CTNNA3: variants seen among roughly 807,000 people sequenced by gnomAD.
The protein encoded by CTNNA3 is catenin alpha 3.
A neutral mutation model predicts 95.7 loss-of-function variants in CTNNA3; 76 were observed. The ratio of observed to expected loss-of-function variants is 0.79; its 90% CI spans 0.66 to 0.96. CTNNA3 has a LOEUF of 0.96. Ranked by LOEUF, CTNNA3 falls within the 40% of genes least tolerant of loss-of-function variation. The pLI, the probability that CTNNA3 is intolerant of heterozygous loss-of-function variation, is 0.00. For synonymous variants in CTNNA3, 431 were observed against 374.4 expected, an observed-to-expected ratio of 1.15 and a Z score of -1.74; for missense variants, 1,191 against 1,089.8, an observed-to-expected ratio of 1.09 and a Z score of -1.31.
At chr10:66,633,335 A>G (rs1482699214) in intron 9 of CTNNA3, among the ~76,000 whole-genome samples, 1 of 152,222 alleles carries the variant, frequency 6.6e-6, no homozygotes, top group Non-Finnish European at 1.5e-5. Context: ...TCTCAAGTAT[A>G]TAATTTTAAG....
chr10:66,635,990 CTGTGTGTGTGTGTGTGTGTGTGTG>C (rs10527642), intron 9 of CTNNA3, among the ~76,000 whole-genome samples: 21 of 145,944 alleles, frequency 1.4e-4, no homozygotes, highest in Non-Finnish European at 2.0e-4. Flanking sequence ...TGGAAGAACA[CTGTGTGTGTGTGTGTGTGTGTGTG>C]TGTGTGTGTG....
chr10:67,335,596 A>G (rs1841967533), intron 5 of CTNNA3, among the ~76,000 whole-genome samples: 1 of 152,186 alleles, frequency 6.6e-6, no homozygotes, highest in Non-Finnish European at 1.5e-5. Context: ...ACTTGTTTTT[A>G]TTAATCTTTC....
chr10:66,634,399 A>G (rs1845263422), intron 9 of CTNNA3, among the ~76,000 whole-genome samples: 1 of 152,146 alleles, frequency 6.6e-6, no homozygotes, highest in Admixed American at 6.5e-5. Flanking sequence ...CACAAAAATG[A>G]TTGAGAATTC....
intron 5 of CTNNA3, among the ~76,000 whole-genome samples, chr10:67,457,680 C>T (rs542047490): frequency 4.6e-5 from 7 of 152,204 alleles, no homozygotes; most frequent in Non-Finnish European, 1.5e-5. Context: ...GACTGCGTTC[C>T]TTCTGGAGGC....
chr10:66,885,477 G>T (rs1845009312), intron 7 of CTNNA3, among the ~76,000 whole-genome samples: 1 of 152,032 alleles, frequency 6.6e-6, no homozygotes, highest in Admixed American at 6.6e-5. Flanking sequence ...TCCTTATTTA[G>T]GGTTTCAGTT....
In CTNNA3 at chr10:67,552,550, G is replaced by C. The variant is rs59570825; in HGVS notation, c.293-12881C>G. ...GTTTTTATAGGCACAGGACTGGGGA[G>C]TGGCAGGCCAGGACAGTCAGGTAAA... On this transcript the variant is annotated intron_variant, in intron 3 of 17. Coordinates refer to ENST00000433211, the MANE Select transcript of CTNNA3 (RefSeq NM_013266.4). Among the ~76,000 whole-genome samples the C allele has an allele frequency of 2.8e-3, 426 of 152,030 alleles. 3 individuals are homozygous for C. Among genetic ancestry groups the C allele is most frequent in the African/African-American group, 9.9e-3 (409 of 41,454 alleles).
chr10:66,640,864 G>A (rs1845494091), intron 9 of CTNNA3, among the ~76,000 whole-genome samples: 1 of 152,010 alleles, frequency 6.6e-6, no homozygotes, highest in Non-Finnish European at 1.5e-5. Context: ...AAACTATAAA[G>A]ATAAAAGCGA....
chr10:66,924,463 GA>G (rs1353549055), intron 7 of CTNNA3, among the ~76,000 whole-genome samples: 2 of 152,092 alleles, frequency 1.3e-5, no homozygotes, highest in African/African-American at 4.8e-5. Context: ...TTCTACTTTG[GA>G]GATGAAAAGA....
chr10:67,662,743 A>G (rs529949313), intron 1 of CTNNA3, among the ~76,000 whole-genome samples: 1 of 152,334 alleles, frequency 6.6e-6, no homozygotes, highest in South Asian at 2.1e-4. Context: ...GAAACTTTTT[A>G]GCATGTTGGG....
At chr10:66,450,969 T>A (rs1187053906) in intron 11 of CTNNA3, among the ~76,000 whole-genome samples, 1 of 152,182 alleles carries the variant, frequency 6.6e-6, no homozygotes, top group Non-Finnish European at 1.5e-5. Flanking sequence ...AGGTATTTGT[T>A]CTTTCCATAT....
intron 3 of CTNNA3, among the ~76,000 whole-genome samples, chr10:67,599,572 T>TA (rs769697803): frequency 4.6e-5 from 7 of 151,100 alleles, no homozygotes; most frequent in Non-Finnish European, 7.4e-5. Flanking sequence ...GGAACTAAAG[T>TA]AAAAAAAAAG....
chr10:66,248,434 A>G (rs1423835119), intron 13 of CTNNA3, among the ~76,000 whole-genome samples: 2 of 151,924 alleles, frequency 1.3e-5, no homozygotes, highest in Admixed American at 6.6e-5. Context: ...ACTCTCCAAT[A>G]AAAAAGACAT....
intron 14 of CTNNA3, among the ~76,000 whole-genome samples, chr10:66,099,728 T>A (rs2081541844): frequency 6.6e-6 from 1 of 152,202 alleles, no homozygotes. Flanking sequence ...AAAATTTGTG[T>A]CTTCCCCTTG....
intron 5 of CTNNA3, among the ~76,000 whole-genome samples, chr10:67,295,537 G>C (rs1036651722): frequency 6.6e-6 from 1 of 152,132 alleles, no homozygotes; most frequent in Admixed American, 6.5e-5. Context: ...AAGGATAATA[G>C]CTGAGACCTG....
chr10:66,717,946 G>A (rs1242793317), intron 9 of CTNNA3, among the ~76,000 whole-genome samples: 1 of 152,084 alleles, frequency 6.6e-6, no homozygotes, highest in Non-Finnish European at 1.5e-5. Context: ...GCCAAAGTGT[G>A]AATCCTTTTA....
At chr10:67,239,579 T>C (rs1278658944) in intron 5 of CTNNA3, among the ~76,000 whole-genome samples, 1 of 152,208 alleles carries the variant, frequency 6.6e-6, no homozygotes, top group Non-Finnish European at 1.5e-5. Flanking sequence ...CCAATGTGTT[T>C]AGTTTGGAAA....
At position 67,679,670 on chromosome 10, in the gene CTNNA3, T is replaced by A. The variant is rs527704900; in HGVS notation, c.-6+16330A>T. 7.9e-4 allele frequency among the ~76,000 whole-genome samples: 121 copies of A among 152,280 alleles called. 1 individual carries two copies. Among genetic ancestry groups the A allele is most frequent in the African/African-American group, 2.6e-3 (108 of 41,568 alleles). ...CTTAATTTTCTTCTCTTCCTTTTTT[T>A]AAAAAAATCATTGCTAAAAGATAAA... is the stretch of plus-strand genomic sequence containing the variant. On this transcript the variant is annotated intron_variant, in intron 1 of 17. Coordinates refer to ENST00000433211, the MANE Select transcript of CTNNA3 (RefSeq NM_013266.4).
At chr10:67,653,709 C>G (rs1839941046) in intron 1 of CTNNA3, among the ~76,000 whole-genome samples, 1 of 152,108 alleles carries the variant, frequency 6.6e-6, no homozygotes. Context: ...CTAACATTAT[C>G]TTATTTGGGA....
chr10:66,738,131 A>G (rs954732444), intron 9 of CTNNA3, among the ~76,000 whole-genome samples: 1 of 152,148 alleles, frequency 6.6e-6, no homozygotes, highest in African/African-American at 2.4e-5. Context: ...TTAGTTCTAT[A>G]ATAGCTGTTT....
Sources: gnomAD v4.1 joint callset for allele counts (sites outside exome capture counted in the v4.1 genomes callset) on GRCh38, gnomAD v4.1.1 for gene constraint, MANE v1.5 for transcripts, NCBI Gene and HGNC (gene_info 2026-07-23, HGNC 2026-07-21) for gene names.